Variants in SART1 observed in about 807,000 individuals in gnomAD.
SART1 encodes the protein U4/U6.U5 tri-snRNP-associated protein 1.
Under a neutral mutation model 105.0 loss-of-function variants are expected in SART1, and 28 were observed. The ratio of observed to expected loss-of-function variants is 0.27; its 90% CI spans 0.20 to 0.37. SART1 has a LOEUF of 0.37. Among genes scored for constraint, SART1 ranks in the 10% least tolerant of loss-of-function variants. The pLI, the probability that SART1 is intolerant of heterozygous loss-of-function variation, is 1.00. For missense variants in SART1, 894 were observed against 1,106.5 expected (o/e 0.81, Z 2.72); for synonymous variants, 472 against 462.9 (o/e 1.02, Z -0.25).
rs975191551 is a variant in SART1 at position 65,963,919 on chromosome 11, G to A, written c.314-155G>A. On this transcript the variant is annotated intron_variant, in intron 1 of 19. Transcript: ENST00000312397. ...ACTGGACTCGGGCAGAGGAGCTGCT[G>A]GGGAGCTTGGGTGGAAGAAGCTGCT... 2.6e-5 allele frequency: 17 copies of A among 643,962 alleles called. No homozygotes were observed. In the Admixed American group the frequency reaches 4.2e-4, roughly 16 times the overall value. The allele number at this position is 643,962 out of a possible 1,614,324, so 39.9% of individuals were successfully genotyped here.
intron 12 of SART1, among the ~76,000 whole-genome samples, chr11:65,975,757 TG>T (rs1274481646): frequency 1.3e-5 from 2 of 152,088 alleles, no homozygotes; most frequent in Non-Finnish European, 2.9e-5. Flanking sequence ...AGGACTTTGC[TG>T]TCTGGGCTGC....
intron 1 of SART1, among the ~76,000 whole-genome samples, chr11:65,963,199 G>A (rs567437259): frequency 6.6e-6 from 1 of 152,246 alleles, no homozygotes; most frequent in East Asian, 1.9e-4. Context: ...ACCAAAAAAA[G>A]GAGACAGAGT....
Position 65,977,055 on chromosome 11 carries a change from C to T in SART1, c.1899C>T (p.Ile633=), listed in dbSNP as rs753405686. The change falls in exon 15 of 20, where the codon ATC becomes ATT. Residue 633 remains isoleucine, a synonymous_variant. Transcript: ENST00000312397. Reference sequence around the variant, plus strand: ...CCACCATCCTGGACGAGGAACCGATCGTGAATAGGGGGCTGGCAGCTGCCC... The same window carrying T: ...CCACCATCCTGGACGAGGAACCGATTGTGAATAGGGGGCTGGCAGCTGCCC... ...SSTTILDEEP[I]VNRGLAAALL... 4.3e-6 allele frequency: 7 copies of T among 1,613,884 alleles called. No homozygotes were observed. In the African/African-American group the frequency reaches 5.3e-5, roughly 12 times the overall value.
Position 65,978,680 on chromosome 11 carries a change from C to A in SART1, c.2253C>A (p.Asp751Glu). Residue 751 changes from aspartate to glutamate, a missense_variant, in exon 18 of 20, where the codon GAC (aspartate) becomes GAA (glutamate). By Grantham distance (45) the Asp-to-Glu change is conservative (BLOSUM62 2). This residue lies in a region of SART1 where 182 missense variants were observed against 328.3 expected (regional missense o/e 0.55). Transcript: ENST00000312397. The surrounding 1 kb of genome is among the most constrained non-coding windows in gnomAD (Gnocchi z 6.8). ...MKTERRMKKL[D>E]EEALLKKMSS... ...CAGAGCGGCGGATGAAGAAGCTGGACGAGGAGGCGGTGGGTGCCCTTGGGG... is the reference window on the plus strand; with the variant it reads ...CAGAGCGGCGGATGAAGAAGCTGGAAGAGGAGGCGGTGGGTGCCCTTGGGG... The A allele has an allele frequency of 6.2e-7, 1 of 1,607,006 alleles. No homozygotes were observed. Among genetic ancestry groups the A allele is most frequent in the Non-Finnish European group, 8.5e-7 (1 of 1,176,926 alleles).
chr11:65,973,090 T>C (rs533622356), intron 12 of SART1, among the ~76,000 whole-genome samples: 4 of 151,806 alleles, frequency 2.6e-5, no homozygotes, highest in African/African-American at 7.2e-5. Flanking sequence ...AGGAGAATGG[T>C]GTGAACCCAG....
In SART1 at chr11:65,978,986, C is replaced by T. The variant is rs1364042604; in HGVS notation, c.2385-26C>T. ...GCGTGGCCTGTGCCCGCCTCTGCAG[C>T]CTCACGCCCCTGTTCTTCTCTGCAG... On this transcript the variant is annotated intron_variant, in intron 19 of 19. Transcript: ENST00000312397. This position sits in a 1 kb window ranked among gnomAD's most constrained non-coding sequence, Gnocchi z 6.8. 2.5e-6 allele frequency: 4 copies of T among 1,613,938 alleles called. No homozygotes were observed. In the Admixed American group the frequency reaches 6.7e-5, roughly 27 times the overall value.
At chr11:65,968,527 G>T (rs1013430772) in intron 12 of SART1, among the ~76,000 whole-genome samples, 1 of 152,146 alleles carries the variant, frequency 6.6e-6, no homozygotes, top group South Asian at 2.1e-4. Context: ...TGGGCACTCA[G>T]TAAACCAAGA....
At chr11:65,962,130 C>CGGGGGGGGGGGGCGGGGG in intron 1 of SART1, 37 bp downstream of exon 1, 1 of 111,050 alleles carries the variant, frequency 9.0e-6, no homozygotes, top group South Asian at 1.0e-4. Context: ...GCGGGTCGGG[C>CGGGGGGGGGGGGCGGGGG]GGGGGTCCCG....
In SART1 at chr11:65,976,572, C is replaced by T. The variant is rs368914489; in HGVS notation, c.1746+4C>T. 211 of 1,612,456 alleles carry T rather than the reference C, an allele frequency of 1.3e-4. No individual in the cohort carries two copies. The highest frequency in any genetic ancestry group is 1.7e-4 in the Non-Finnish European group (197 of 1,179,432). On this transcript the variant is annotated splice_donor_region_variant and intron_variant, in intron 13 of 19. Coordinates refer to ENST00000312397, the MANE Select transcript of SART1 (RefSeq NM_005146.5). The surrounding 1 kb of genome is among the most constrained non-coding windows in gnomAD (Gnocchi z 5.1). ...CGAGGAGCAGGAGGAGCTCATGGTGCGTCTGGGGCGGCCCCGCCCTCTGCT... is the reference window on the plus strand; with the variant it reads ...CGAGGAGCAGGAGGAGCTCATGGTGTGTCTGGGGCGGCCCCGCCCTCTGCT...
In SART1 at chr11:65,979,299, A is replaced by C; in HGVS notation, c.*269A>C. ...CTGCAGGGCCGGCTCTCTGATAGAA[A>C]GTGGAAGGCGGTTTTAGAAACTCAT... On this transcript the variant is annotated 3_prime_UTR_variant, in exon 20 of 20. Coordinates refer to ENST00000312397, the MANE Select transcript of SART1 (RefSeq NM_005146.5). 1.7e-6 allele frequency: 1 copy of C among 583,044 alleles called. No individual in the cohort carries two copies. Among genetic ancestry groups the C allele is most frequent in the Non-Finnish European group, 3.1e-6 (1 of 327,846 alleles). The allele number at this position is 583,044 out of a possible 1,614,324, so 36.1% of individuals were successfully genotyped here.
At position 65,977,764 on chromosome 11, in the gene SART1, G is replaced by A; in HGVS notation, c.2037G>A (p.Met679Ile). Residue 679 changes from methionine to isoleucine, a missense_variant and splice_region_variant, in exon 17 of 20, where the codon ATG (methionine) becomes ATA (isoleucine). By Grantham distance (10) the Met-to-Ile change is conservative. Around this residue, in one of 2 missense-constraint regions of SART1, gnomAD observed 182 missense variants for 328.3 expected, o/e 0.55. Transcript: ENST00000312397. Reference protein sequence around the residue: ...PSAVYCIEDKMAIDDKYSRRE... With the variant: ...PSAVYCIEDKIAIDDKYSRRE... ...TAAGGCCTCCTCTGTCTCGGGCCAG[G>A]GCCATCGATGACAAGTACAGCCGGA... is the stretch of plus-strand genomic sequence containing the variant. 2.5e-6 allele frequency: 4 copies of A among 1,614,052 alleles called. No individual in the cohort carries two copies. The highest frequency in any genetic ancestry group is 2.5e-6 in the Non-Finnish European group (3 of 1,180,022).
rs562930361 is a variant in SART1 at position 65,974,772 on chromosome 11, A to G, written c.1573-1623A>G. Among the ~76,000 whole-genome samples the G allele has an allele frequency of 2.8e-3, 424 of 152,268 alleles. 2 individuals carry two copies. The highest frequency in any genetic ancestry group is 9.6e-3 in the African/African-American group (401 of 41,558). On this transcript the variant is annotated intron_variant, in intron 12 of 19. Transcript: ENST00000312397. ...TGTTCCTGGCCAGGCGCGGTGGCTC[A>G]CGTCTGTAACCCCAACACTTTGGGA... is the stretch of plus-strand genomic sequence containing the variant.
In SART1 at chr11:65,978,010, C is replaced by A; in HGVS notation, c.2172+111C>A. 8.0e-7 allele frequency: 1 copy of A among 1,245,368 alleles called. No individual in the cohort carries two copies. Among genetic ancestry groups the A allele is most frequent in the Non-Finnish European group, 1.1e-6 (1 of 900,272 alleles). The allele number at this position is 1,245,368 out of a possible 1,614,324, so 77.1% of individuals were successfully genotyped here. On this transcript the variant is annotated intron_variant, in intron 17 of 19. Transcript: ENST00000312397. This position sits in a 1 kb window ranked among gnomAD's most constrained non-coding sequence, Gnocchi z 6.8. ...GCCCCAGGGTCCTGGCTCCACCAGC[C>A]TCTGGCTGGGGGCCTGGTGAATGCC...
chr11:65,967,810 A>G lies in SART1; in HGVS notation c.1561A>G (p.Ser521Gly). ...ACAGCAGCTACAGCAGCTGCGAGACAGTGGCGAGAAGGTGAGGCTGGGCAT... is the reference window on the plus strand; with the variant it reads ...ACAGCAGCTACAGCAGCTGCGAGACGGTGGCGAGAAGGTGAGGCTGGGCAT... ...QLQQLQQLRD[S>G]GEKVVEIVKK... Residue 521 changes from serine (S) to glycine (G), a missense_variant, in exon 12 of 20, where the codon AGT (serine) becomes GGT (glycine). Physicochemically the swap from Ser to Gly is moderately conservative, Grantham distance 56. Transcript: ENST00000312397. The G allele has an allele frequency of 2.0e-6, 3 of 1,537,452 alleles. No individual in the cohort carries two copies. Among genetic ancestry groups the G allele is most frequent in the Non-Finnish European group, 2.6e-6 (3 of 1,140,108 alleles).
chr11:65,965,881 C>T lies in SART1; in HGVS notation c.739-6C>T. On this transcript the variant is annotated splice_region_variant and splice_polypyrimidine_tract_variant and intron_variant, in intron 6 of 19. Transcript: ENST00000312397. ...GAGGTTCCTGACTCGCCGATTCTTC[C>T]CTTAGGACCTGTACAGTGCCCGGGA... 6.2e-7 allele frequency: 1 copy of T among 1,614,056 alleles called. No individual in the cohort carries two copies. The highest frequency in any genetic ancestry group is 8.5e-7 in the Non-Finnish European group (1 of 1,179,990).
Position 65,977,029 on chromosome 11 carries a change from A to T in SART1, c.1873A>T (p.Thr625Ser). Residue 625 changes from threonine (T) to serine (S), a missense_variant, in exon 15 of 20, where the codon ACC (threonine) becomes TCC (serine). Around this residue, in one of 2 missense-constraint regions of SART1, gnomAD observed 182 missense variants for 328.3 expected, o/e 0.55. Transcript: ENST00000312397. ...TGTCCCGTAGTTCTCTGCTTCCTCC[A>T]CCACCATCCTGGACGAGGAACCGAT... ...KQQQDFSASSTTILDEEPIVN... is the reference protein window; with the variant it reads ...KQQQDFSASSSTILDEEPIVN... The T allele has an allele frequency of 6.2e-7, 1 of 1,613,298 alleles. No homozygotes were observed. Among genetic ancestry groups the T allele is most frequent in the Non-Finnish European group, 8.5e-7 (1 of 1,179,502 alleles).
intron 2 of SART1, 127 bp from the exon 3 acceptor site, chr11:65,964,388 C>A: frequency 8.6e-7 from 1 of 1,159,210 alleles, no homozygotes; most frequent in Non-Finnish European, 1.3e-6. Flanking sequence ...GTGTCCTAGG[C>A]TGCCTGGGGC....
rs141881804 is a variant in SART1 at position 65,966,186 on chromosome 11, G to C, written c.949G>C (p.Ala317Pro). ...GAAGAAGCCTGACTACCTGCCCTAT[G>C]CCGAGGACGAGAGCGTGGACGACCT... The part of the protein sequence containing the change: ...RKKKPDYLPY[A>P]EDESVDDLAQ... The change falls in exon 8 of 20, where the codon GCC becomes CCC. Residue 317 changes from alanine (A) to proline (P), a missense_variant. Around this residue, in one of 2 missense-constraint regions of SART1, gnomAD observed 712 missense variants for 778.2 expected, o/e 0.91. Transcript: ENST00000312397. The C allele has an allele frequency of 1.2e-6, 2 of 1,613,940 alleles. No individual in the cohort carries two copies. The highest frequency in any genetic ancestry group is 1.7e-6 in the Non-Finnish European group (2 of 1,180,038).
intron 2 of SART1, 176 bp downstream of exon 2, chr11:65,964,307 G>A: frequency 2.4e-6 from 2 of 817,970 alleles, no homozygotes; most frequent in Admixed American, 4.1e-5. Context: ...AGAGTAAAGT[G>A]GCATTCACTG....
Sources: gnomAD v4.1 joint callset for allele counts (sites outside exome capture counted in the v4.1 genomes callset) on GRCh38, gnomAD v4.1.1 for gene constraint, gnomAD v4.1.1 regional missense constraint, Gnocchi (gnomAD v3.1) non-coding constraint, MANE v1.5 for transcripts, NCBI Gene and HGNC (gene_info 2026-07-23, HGNC 2026-07-21) for gene names.